The following KCNN2 variants were observed in gnomAD, a reference collection of about 807,000 sequenced individuals.
KCNN2 encodes small conductance calcium-activated potassium channel protein 2.
A neutral mutation model predicts 55.5 loss-of-function variants in KCNN2; 24 were observed. That is an observed-to-expected ratio of 0.43 (90% CI 0.31 to 0.61). The LOEUF (loss-of-function observed/expected upper bound fraction) is 0.61, where lower values mean the gene tolerates loss of function less well. KCNN2 is among the 20% of genes least tolerant of loss of function. KCNN2 has a pLI of 0.08. For synonymous variants in KCNN2, 431 were observed against 336.1 expected (o/e 1.28, Z -3.09); for missense variants, 754 against 853.6 (o/e 0.88, Z 1.45).
rs192739268 is a variant in KCNN2, at chr5:114,464,622, C to G, written c.1779+1432C>G. 2.3e-3 allele frequency among the ~76,000 whole-genome samples: 356 copies of G among 152,150 alleles called. 1 individual carries two copies. Among genetic ancestry groups the G allele is most frequent in the African/African-American group, 8.0e-3 (332 of 41,500 alleles). ...CATAGACAGGCAACATCCTTCTCCC[C>G]CCTCGGTAGTGTTCAACTGGGATAA... is the stretch of plus-strand genomic sequence containing the variant. On this transcript the variant is annotated intron_variant, in intron 4 of 7. Transcript: ENST00000673685.
In KCNN2 at chr5:114,158,374, G is replaced by A. The variant is rs577878589; in HGVS notation, c.-270-63106G>A. ...TCCATTGGTCTATATCTCTGTTTTG[G>A]TACCAGTACCATGCTCTTTTGGTTA... On this transcript the variant is annotated intron_variant, in intron 1 of 10. Transcript: ENST00000512097. Among the ~76,000 whole-genome samples, 1,158 of 152,174 alleles carry A rather than the reference G, an allele frequency of 7.6e-3. 10 individuals are homozygous for A. The highest frequency in any genetic ancestry group is 0.013 in the Non-Finnish European group (860 of 68,002).
intron 2 of KCNN2, among the ~76,000 whole-genome samples, chr5:114,246,448 A>G (rs1001207383): frequency 6.6e-6 from 1 of 152,192 alleles, no homozygotes; most frequent in African/African-American, 2.4e-5. Flanking sequence ...ACCTATTACA[A>G]TGATATATTT....
At chr5:114,180,835 T>C (rs1414963919) in intron 1 of KCNN2, among the ~76,000 whole-genome samples, 2 of 152,184 alleles carry the variant, frequency 1.3e-5, no homozygotes, top group Admixed American at 6.5e-5. Flanking sequence ...TCTGATTTTG[T>C]CTTACTATTT....
intron 1 of KCNN2, among the ~76,000 whole-genome samples, chr5:114,166,950 C>T (rs574284731): frequency 7.1e-4 from 108 of 152,196 alleles, no homozygotes; most frequent in Non-Finnish European, 1.1e-3. Flanking sequence ...GGAATTGGTC[C>T]CTCATCAGAC....
At chr5:114,486,714 G>C in intron 5 of KCNN2, 1 of 1,289,074 alleles carries the variant, frequency 7.8e-7, no homozygotes, top group Non-Finnish European at 1.0e-6. Context: ...GAAGATCATG[G>C]AGACAACAAT....
intron 1 of KCNN2, among the ~76,000 whole-genome samples, chr5:114,204,202 A>T (rs1753726315): frequency 6.6e-6 from 1 of 152,184 alleles, no homozygotes; most frequent in Non-Finnish European, 1.5e-5. Context: ...CCCCATCCCA[A>T]CTGCACCTTA....
rs372871841 is a variant in KCNN2 at position 114,362,887 on chromosome 5, G to T, written c.748G>T (p.Ala250Ser). The T allele has an allele frequency of 9.4e-6, 15 of 1,597,510 alleles. No individual in the cohort carries two copies. In the African/African-American group the frequency reaches 1.6e-4, roughly 17 times the overall value. The change falls in exon 1 of 8, where the codon GCG (alanine) becomes TCG (serine). Residue 250 changes from alanine to serine, a missense_variant. Physicochemically the swap from Ala to Ser is moderately conservative, Grantham distance 99. Around this residue, in one of 4 missense-constraint regions of KCNN2, gnomAD observed 381 missense variants for 259.1 expected, o/e 1.47. Coordinates refer to ENST00000673685, the MANE Select transcript of KCNN2 (RefSeq NM_021614.4). ...DSEAQPLQPP[A>S]SVGGGGGASS... ...AGAGGCGCAGCCCCTGCAGCCCCCC[G>T]CGTCTGTCGGAGGAGGTGGCGGCGC... is the stretch of plus-strand genomic sequence containing the variant.
intron 1 of KCNN2, among the ~76,000 whole-genome samples, chr5:114,181,241 A>G (rs988585746): frequency 5.3e-5 from 8 of 152,196 alleles, no homozygotes; most frequent in African/African-American, 1.9e-4. Context: ...TGAGAGTTCA[A>G]GTGATCTACT....
chr5:114,461,979 T>C (rs1442504957), intron 3 of KCNN2, among the ~76,000 whole-genome samples: 3 of 152,174 alleles, frequency 2.0e-5, no homozygotes, highest in Non-Finnish European at 2.9e-5. Flanking sequence ...ATCTGAGAGA[T>C]GGGAAGGAGT....
In KCNN2 at chr5:114,084,533, T is replaced by C. The variant is rs148265786; in HGVS notation, c.-271+28033T>C. 3.1e-3 allele frequency among the ~76,000 whole-genome samples: 478 copies of C among 152,196 alleles called. 2 individuals are homozygous for C. Among genetic ancestry groups the C allele is most frequent in the African/African-American group, 0.01 (431 of 41,556 alleles). On this transcript the variant is annotated intron_variant, in intron 1 of 10. Coordinates refer to the KCNN2 transcript ENST00000512097. ...AATTGGGTTGCTTGTTTTCTTACCA[T>C]TGAGTTTTAAGAGTTCTTTGTATAT... is the stretch of plus-strand genomic sequence containing the variant.
intron 1 of KCNN2, among the ~76,000 whole-genome samples, chr5:114,058,945 G>T (rs1750267067): frequency 6.6e-6 from 1 of 152,298 alleles, no homozygotes; most frequent in East Asian, 1.9e-4. Flanking sequence ...AGCTCGGGGG[G>T]TCAAGTTGCT....
chr5:114,158,993 A>G (rs1005648305), intron 1 of KCNN2, among the ~76,000 whole-genome samples: 2 of 152,046 alleles, frequency 1.3e-5, no homozygotes, highest in Non-Finnish European at 1.5e-5. Flanking sequence ...AATACCCTTT[A>G]TTTCTTTCTC....
At chr5:114,107,040 C>T (rs1322042934) in intron 1 of KCNN2, among the ~76,000 whole-genome samples, 1 of 151,998 alleles carries the variant, frequency 6.6e-6, no homozygotes, top group African/African-American at 2.4e-5. Flanking sequence ...CACATTAAGT[C>T]AATCCATCTG....
intron 5 of KCNN2, among the ~76,000 whole-genome samples, chr5:114,486,108 A>G (rs1220471990): frequency 6.6e-6 from 1 of 152,186 alleles, no homozygotes; most frequent in Non-Finnish European, 1.5e-5. Context: ...TGTCTTCCGC[A>G]CTACACTGCC....
At chr5:114,099,544 A>G (rs577168338) in intron 1 of KCNN2, among the ~76,000 whole-genome samples, 1 of 152,146 alleles carries the variant, frequency 6.6e-6, no homozygotes, top group Non-Finnish European at 1.5e-5. Flanking sequence ...AGGTGCAATC[A>G]TAGCATACTA....
intron 5 of KCNN2, among the ~76,000 whole-genome samples, chr5:114,476,079 C>G (rs1028192306): frequency 6.6e-6 from 1 of 151,682 alleles, no homozygotes; most frequent in Non-Finnish European, 1.5e-5. Flanking sequence ...GGTACATGTG[C>G]ACATTGTGCA....
intron 2 of KCNN2, among the ~76,000 whole-genome samples, chr5:114,239,266 A>G (rs779514686): frequency 8.5e-5 from 13 of 152,200 alleles, no homozygotes; most frequent in Non-Finnish European, 1.8e-4. Context: ...GAAATAACTG[A>G]CATCAGGGGA....
intron 2 of KCNN2, among the ~76,000 whole-genome samples, chr5:114,287,932 T>C (rs1053049667): frequency 6.6e-6 from 1 of 152,214 alleles, no homozygotes; most frequent in Non-Finnish European, 1.5e-5. Context: ...ATTGAAGTTT[T>C]CTTTTTCTCT....
intron 2 of KCNN2, among the ~76,000 whole-genome samples, chr5:114,394,734 A>T (rs1758566072): frequency 6.6e-6 from 1 of 152,064 alleles, no homozygotes; most frequent in South Asian, 2.1e-4. Context: ...ATTTTTCCAT[A>T]AGCTGTATTT....
Sources: allele counts gnomAD v4.1 joint callset (sites outside exome capture counted in the v4.1 genomes callset), GRCh38; gene constraint gnomAD v4.1.1; regional missense constraint gnomAD v4.1.1; transcripts MANE v1.5; gene names NCBI Gene and HGNC (gene_info 2026-07-23, HGNC 2026-07-21).